SORCS1: variants seen among roughly 807,000 people sequenced by gnomAD.
SORCS1 encodes sortilin related VPS10 domain containing receptor 1.
SORCS1 carries 60 observed loss-of-function variants against 146.1 expected under a neutral mutation model. The ratio of observed to expected loss-of-function variants is 0.41; its 90% confidence interval spans 0.33 to 0.51. SORCS1 has a LOEUF of 0.51. Among genes scored for constraint, SORCS1 ranks in the 20% least tolerant of loss-of-function variants. SORCS1 has a pLI of 0.21. For missense variants in SORCS1, 1,352 were observed against 1,487.6 expected (o/e 0.91, Z 1.50); for synonymous variants, 637 against 584.0 (o/e 1.09, Z -1.31).
chr10:106,885,087 A>G (rs1950944613), intron 2 of SORCS1, among the ~76,000 whole-genome samples: 1 of 152,168 alleles, frequency 6.6e-6, no homozygotes, highest in Admixed American at 6.6e-5. Context: ...ATAGTAGAAA[A>G]TCTATGTTGT....
At chr10:106,712,367 T>G (rs1855058381) in intron 6 of SORCS1, among the ~76,000 whole-genome samples, 1 of 152,164 alleles carries the variant, frequency 6.6e-6, no homozygotes, top group African/African-American at 2.4e-5. Flanking sequence ...TCTGGTAAGC[T>G]TAAGTTCCTT....
intron 2 of SORCS1, among the ~76,000 whole-genome samples, chr10:106,939,977 T>C (rs1452623216): frequency 6.6e-6 from 1 of 152,182 alleles, no homozygotes; most frequent in Non-Finnish European, 1.5e-5. Context: ...TAAAGTGAAC[T>C]GTCAGGAGAC....
chr10:106,573,952 CAA>C lies in SORCS1; in HGVS notation c.*3466_*3467del, dbSNP rs1844475322. 6.6e-6 allele frequency: 1 copy of C among 151,058 alleles called. No individual in the cohort carries two copies. Among genetic ancestry groups the C allele is most frequent in the Non-Finnish European group, 1.5e-5 (1 of 67,744 alleles). 9.4% of individuals were successfully genotyped at this position (151,058 alleles called of 1,614,324 possible). A position where few individuals can be genotyped will look rare whatever the true frequency, so the allele number is the denominator to read the frequency against. The stretch of plus-strand genomic sequence containing the variant: ...TAAATATGATTGTAAAAGCAATAAA[CAA>C]GAGCAATTATACATTACACTACATA... On this transcript the variant is annotated 3_prime_UTR_variant, in exon 26 of 26. Coordinates refer to ENST00000263054, the MANE Select transcript of SORCS1 (RefSeq NM_052918.5).
intron 2 of SORCS1, among the ~76,000 whole-genome samples, chr10:106,888,433 A>G (rs969607948): frequency 4.6e-5 from 7 of 152,134 alleles, no homozygotes; most frequent in African/African-American, 1.4e-4. Context: ...AAAATAAGCA[A>G]AAGAACCAAG....
At chr10:107,058,358 C>T (rs1198553480) in intron 1 of SORCS1, among the ~76,000 whole-genome samples, 2 of 152,100 alleles carry the variant, frequency 1.3e-5, no homozygotes, top group Non-Finnish European at 2.9e-5. Context: ...AACTTTTATT[C>T]AACATGACAG....
At chr10:106,906,574 G>A (rs184468674) in intron 2 of SORCS1, among the ~76,000 whole-genome samples, 1 of 152,268 alleles carries the variant, frequency 6.6e-6, no homozygotes, top group East Asian at 1.9e-4. Context: ...GATCTCGCAA[G>A]ACTTATTCAC....
chr10:106,881,792 G>C (rs1397912080), intron 2 of SORCS1, among the ~76,000 whole-genome samples: 1 of 152,158 alleles, frequency 6.6e-6, no homozygotes, highest in African/African-American at 2.4e-5. Flanking sequence ...TTTATCCCCT[G>C]TGAATTGGTA....
rs143798844 is a variant in SORCS1 at position 106,791,676 on chromosome 10, C to T, written c.727-14984G>A. The stretch of plus-strand genomic sequence containing the variant: ...ATCGGGCCACTGCACTCCAGCCTGG[C>T]GACAGAGCAAGACATTATTTCGACA... On this transcript the variant is annotated intron_variant, in intron 3 of 25. Coordinates refer to ENST00000263054, the MANE Select transcript of SORCS1 (RefSeq NM_052918.5). 1.7e-3 allele frequency among the ~76,000 whole-genome samples: 253 copies of T among 152,000 alleles called. 3 individuals carry two copies. The highest frequency in any genetic ancestry group is 3.4e-3 in the Middle Eastern group (1 of 294).
upstream of SORCS1, among the ~76,000 whole-genome samples, chr10:107,169,078 A>G (rs537033967): frequency 3.9e-5 from 6 of 152,346 alleles, no homozygotes; most frequent in South Asian, 2.1e-4. Context: ...ATCTTACAGC[A>G]TAAGCTACAG....
At chr10:107,118,184 C>G (rs757746046) in intron 1 of SORCS1, among the ~76,000 whole-genome samples, 7 of 147,120 alleles carry the variant, frequency 4.8e-5, no homozygotes, top group Non-Finnish European at 4.4e-5. Flanking sequence ...AAATAAGATC[C>G]CTTCTACCTC....
At chr10:106,809,706 T>C (rs931270467) in intron 3 of SORCS1, among the ~76,000 whole-genome samples, 7 of 152,174 alleles carry the variant, frequency 4.6e-5, no homozygotes, top group African/African-American at 1.4e-4. Context: ...CAGAATCTGT[T>C]TGTAGGCTGA....
chr10:106,599,194 C>G (rs1846084107), intron 23 of SORCS1, among the ~76,000 whole-genome samples: 1 of 151,852 alleles, frequency 6.6e-6, no homozygotes, highest in Non-Finnish European at 1.5e-5. Context: ...GGTGAAATCC[C>G]ATCTCTACTA....
chr10:106,807,848 A>C (rs546757965), intron 3 of SORCS1, among the ~76,000 whole-genome samples: 1 of 152,210 alleles, frequency 6.6e-6, no homozygotes, highest in Non-Finnish European at 1.5e-5. Flanking sequence ...TGTTGTCTGC[A>C]ATGATTGCTG....
At chr10:106,791,480 T>A (rs906213620) in intron 3 of SORCS1, among the ~76,000 whole-genome samples, 1 of 152,074 alleles carries the variant, frequency 6.6e-6, no homozygotes, top group African/African-American at 2.4e-5. Context: ...GGCAGATGGA[T>A]CATGAGGTCA....
In SORCS1 at chr10:106,940,776, C is replaced by T. The variant is rs191215244; in HGVS notation, c.626+15737G>A. 2.1e-3 allele frequency among the ~76,000 whole-genome samples: 325 copies of T among 152,276 alleles called. 2 individuals carry two copies. Among genetic ancestry groups the T allele is most frequent in the African/African-American group, 7.6e-3 (315 of 41,548 alleles). On this transcript the variant is annotated intron_variant, in intron 2 of 25. Transcript: ENST00000263054. ...GCACATGGCTGTAATCCCAGCTACT[C>T]GGGAGACTGAAGCAGGAGAACTGCT...
In SORCS1 at chr10:106,597,467, A is replaced by C; in HGVS notation, c.3166-17T>G. 6.3e-7 allele frequency: 1 copy of C among 1,589,914 alleles called. No homozygotes were observed. The highest frequency in any genetic ancestry group is 8.6e-7 in the Non-Finnish European group (1 of 1,158,224). On this transcript the variant is annotated splice_polypyrimidine_tract_variant and intron_variant, in intron 23 of 25. Coordinates refer to ENST00000263054, the MANE Select transcript of SORCS1 (RefSeq NM_052918.5). ...TTCTGATATCTGAAAAAAGAAGCAT[A>C]GTTAGTGACACCAAAAGTGTCATAC... is the stretch of plus-strand genomic sequence containing the variant.
chr10:106,938,019 G>A (rs759003776), intron 2 of SORCS1, among the ~76,000 whole-genome samples: 21 of 150,806 alleles, frequency 1.4e-4, no homozygotes, highest in Non-Finnish European at 2.5e-4. Context: ...TAATACACCA[G>A]TTGAAGAAAA....
rs1418975589 is a variant in SORCS1 at position 107,063,310 on chromosome 10, A to T, written c.558+100659T>A. On this transcript the variant is annotated intron_variant, in intron 1 of 25. Transcript: ENST00000263054. ...TAAAATAGGTAGTCATTTTAAAATA[A>T]AACTGTTTTAGAAAAAGCTTCAGAA... Among the ~76,000 whole-genome samples the T allele has an allele frequency of 2.6e-5, 4 of 152,194 alleles. No homozygotes were observed. The East Asian group carries it at 7.7e-4, about 29-fold the overall frequency.
chr10:106,738,717 C>T lies in SORCS1; in HGVS notation c.960-8603G>A, dbSNP rs182110722. On this transcript the variant is annotated intron_variant, in intron 5 of 25. Transcript: ENST00000263054. ...ATATAAGTTTAAAGGAATTGCTCAGCGCAGTGGCTCACACCTGTAATCCCA... is the reference window on the plus strand; with the variant it reads ...ATATAAGTTTAAAGGAATTGCTCAGTGCAGTGGCTCACACCTGTAATCCCA... Among the ~76,000 whole-genome samples, 304 of 152,338 alleles carry T rather than the reference C, an allele frequency of 2.0e-3. 3 individuals are homozygous for T. Among genetic ancestry groups the T allele is most frequent in the Admixed American group, 0.017 (265 of 15,302 alleles).
Sources: gnomAD v4.1 joint callset for allele counts (sites outside exome capture counted in the v4.1 genomes callset) on GRCh38, gnomAD v4.1.1 for gene constraint, MANE v1.5 for transcripts, NCBI Gene and HGNC (gene_info 2026-07-23, HGNC 2026-07-21) for gene names.